LONP1: variants seen among roughly 807,000 people sequenced by gnomAD.
LONP1 encodes the protein lon peptidase 1, mitochondrial, also known as lon protease homolog, mitochondrial.
A neutral mutation model predicts 98.5 loss-of-function variants in LONP1; 31 were observed. The observed-to-expected ratio is 0.31, with a 90% CI of 0.24 to 0.42. The LOEUF (loss-of-function observed/expected upper bound fraction) is 0.42. Among genes scored for constraint, LONP1 ranks in the 20% least tolerant of loss-of-function variants. The probability of loss-of-function intolerance (pLI) is 1.00; values close to 1 mark genes in which losing one functional copy is unlikely to be tolerated. For missense variants in LONP1, 1,336 were observed against 1,350.6 expected, an observed-to-expected ratio of 0.99 and a Z score of 0.17; for synonymous variants, 781 against 594.7, an observed-to-expected ratio of 1.31 and a Z score of -4.56.
At chr19:5,693,837 C>T (rs1056776870) in intron 15 of LONP1, 68 bp from the exon 16 acceptor site, 40 of 1,346,366 alleles carry the variant, frequency 3.0e-5, no homozygotes, top group South Asian at 3.7e-5. Context: ...CTCCACCCCT[C>T]GGGGCCACTC....
At chr19:5,710,263 A>G (rs1285212926) in intron 4 of LONP1, among the ~76,000 whole-genome samples, 1 of 151,206 alleles carries the variant, frequency 6.6e-6, no homozygotes, top group East Asian at 2.0e-4. Context: ...TTTTTTTTGT[A>G]TTTTTAGTAG....
At chr19:5,707,438 A>G (rs1337260368) in intron 6 of LONP1, among the ~76,000 whole-genome samples, 1 of 152,154 alleles carries the variant, frequency 6.6e-6, no homozygotes, top group Non-Finnish European at 1.5e-5. Context: ...ATCCCACTGA[A>G]CCCGCAACGG....
intron 10 of LONP1, among the ~76,000 whole-genome samples, 172 bp from the exon 11 acceptor site, chr19:5,696,929 C>T (rs576439412): frequency 1.4e-4 from 21 of 152,312 alleles, no homozygotes; most frequent in Admixed American, 5.2e-4. Context: ...CCTGCAGGCA[C>T]GCTGGTCACT....
chr19:5,712,302 C>G (rs1160699468), intron 3 of LONP1, among the ~76,000 whole-genome samples: 1 of 152,222 alleles, frequency 6.6e-6, no homozygotes, highest in Non-Finnish European at 1.5e-5. Context: ...AGCCCCAGGG[C>G]CTCCTGTCGA....
In LONP1 at chr19:5,720,012, G is replaced by C; in HGVS notation, c.121C>G (p.Arg41Gly). ...GAGGCGTCGCAGGTCCGCTGGCCTC[G>C]GAGCAACCACGCTCCTGCTGCAGTG... is the stretch of plus-strand genomic sequence containing the variant. Reference protein sequence around the residue: ...VPTAAGAWLLRGQRTCDASPP... With the variant: ...VPTAAGAWLLGGQRTCDASPP... Residue 41 changes from arginine (R) to glycine (G), a missense_variant, in exon 1 of 18, where the codon CGA (arginine) becomes GGA (glycine). Physicochemically the swap from Arg to Gly is moderately radical, Grantham distance 125 (BLOSUM62 -2). This residue lies in a region of LONP1 where 457 missense variants were observed against 403.1 expected (regional missense o/e 1.13). Coordinates refer to ENST00000360614, the MANE Select transcript of LONP1 (RefSeq NM_004793.4). 4.5e-6 allele frequency: 7 copies of C among 1,572,222 alleles called. No individual in the cohort carries two copies. Among genetic ancestry groups the C allele is most frequent in the Non-Finnish European group, 6.0e-6 (7 of 1,161,840 alleles).
intron 14 of LONP1, 51 bp downstream of exon 14, chr19:5,694,710 T>G: frequency 6.4e-7 from 1 of 1,572,078 alleles, no homozygotes; most frequent in Non-Finnish European, 8.7e-7. Context: ...GTGATCAGCG[T>G]GGGATGGTGA....
rs1460525476 is a variant in LONP1 at position 5,693,894 on chromosome 19, G to A, written c.2321-125C>T. On this transcript the variant is annotated intron_variant, in intron 15 of 17. Coordinates refer to ENST00000360614, the MANE Select transcript of LONP1 (RefSeq NM_004793.4). ...AGCATCTTGGTGCCCCTGGGCAGGG[G>A]TTGGTGTCCCATCGTGAGCCAACGC... The A allele has an allele frequency of 1.0e-5, 8 of 796,682 alleles. No individual in the cohort carries two copies. The Admixed American group carries it at 1.4e-4, about 13-fold the overall frequency. 49.4% of individuals were successfully genotyped at this position (796,682 alleles called of 1,614,324 possible). A position where few individuals can be genotyped will look rare whatever the true frequency, so the allele number is the denominator to read the frequency against.
At chr19:5,707,623 C>G (rs1439162120) in intron 6 of LONP1, 74 bp downstream of exon 6, 1 of 1,536,530 alleles carries the variant, frequency 6.5e-7, no homozygotes, top group African/African-American at 1.4e-5. Context: ...ACGGGGGCAG[C>G]CGGGCGTGGG....
chr19:5,716,295 T>TATATATATATATAC lies in LONP1; in HGVS notation c.430-2025_430-2024insGTATATATATATAT. Among the ~76,000 whole-genome samples, 3 of 118,016 alleles carry TATATATATATATAC rather than the reference T, an allele frequency of 2.5e-5. No homozygotes were observed. In the South Asian group the frequency reaches 8.5e-4, roughly 33 times the overall value. 77.4% of individuals were successfully genotyped at this position (118,016 alleles called of 152,430 possible). A position where few individuals can be genotyped will look rare whatever the true frequency, so the allele number is the denominator to read the frequency against. On this transcript the variant is annotated intron_variant, in intron 1 of 17. Transcript: ENST00000360614. ...ATATATATATATATATATATATATATATATAGTAATGGCCCTCAAACTTTT... is the reference window on the plus strand; with the variant it reads ...ATATATATATATATATATATATATATATATATATATATACATATAGTAATGGCCCTCAAACTTTT...
intron 1 of LONP1, among the ~76,000 whole-genome samples, chr19:5,716,627 A>G (rs928027536): frequency 1.5e-4 from 23 of 151,568 alleles, no homozygotes; most frequent in African/African-American, 5.6e-4. Context: ...ACCCACTGTT[A>G]TAAGTAAAAT....
At chr19:5,718,781 A>C (rs1216878863) in intron 1 of LONP1, among the ~76,000 whole-genome samples, 1 of 151,540 alleles carries the variant, frequency 6.6e-6, no homozygotes, top group Non-Finnish European at 1.5e-5. Flanking sequence ...CCTTACACTC[A>C]CTGCTTTCTC....
At position 5,697,143 on chromosome 19, in the gene LONP1, G is replaced by C. The variant is rs145206506; in HGVS notation, c.1686-386C>G. ...CCATGGCCAGCACTGGCTCTCAGGA[G>C]GGCTTCCTGCAAGCTCTGTGCTCTG... On this transcript the variant is annotated intron_variant, in intron 10 of 17. Transcript: ENST00000360614. Among the ~76,000 whole-genome samples the C allele has an allele frequency of 3.2e-3, 485 of 152,242 alleles. 1 individual carries two copies. The highest frequency in any genetic ancestry group is 0.011 in the African/African-American group (459 of 41,550).
At chr19:5,692,520 T>A (rs1361653227) in intron 17 of LONP1, among the ~76,000 whole-genome samples, 2 of 152,026 alleles carry the variant, frequency 1.3e-5, no homozygotes, top group Admixed American at 6.6e-5. Flanking sequence ...CGGCCTCACA[T>A]CCAGAGGTCA....
chr19:5,700,939 C>A lies in LONP1; in HGVS notation c.1368-12G>T, dbSNP rs201035172. ...AGTTGCGGGTGACACTGCCAGGGGACAGATGGAGAGATGCTGAGTGGAGCT... is the reference window on the plus strand; with the variant it reads ...AGTTGCGGGTGACACTGCCAGGGGAAAGATGGAGAGATGCTGAGTGGAGCT... On this transcript the variant is annotated splice_polypyrimidine_tract_variant and intron_variant, in intron 8 of 17. Coordinates refer to ENST00000360614, the MANE Select transcript of LONP1 (RefSeq NM_004793.4). 1.9e-6 allele frequency: 3 copies of A among 1,614,028 alleles called. No homozygotes were observed. Among genetic ancestry groups the A allele is most frequent in the Non-Finnish European group, 2.5e-6 (3 of 1,179,946 alleles).
At chr19:5,706,929 A>G in intron 7 of LONP1, 131 bp downstream of exon 7, 1 of 710,942 alleles carries the variant, frequency 1.4e-6, no homozygotes, top group Non-Finnish European at 2.4e-6. Flanking sequence ...AGCCCTCAAA[A>G]CCCAGACAGG....
Position 5,719,881 on chromosome 19 carries a change from G to T in LONP1, c.252C>A (p.Asp84Glu), listed in dbSNP as rs761943496. 6.4e-7 allele frequency: 1 copy of T among 1,574,198 alleles called. No homozygotes were observed. The highest frequency in any genetic ancestry group is 8.6e-7 in the Non-Finnish European group (1 of 1,160,820). Residue 84 changes from aspartate (D) to glutamate (E), a missense_variant, in exon 1 of 18, where the codon GAC becomes GAA. Transcript: ENST00000360614. ...RGGGAFSGGE[D>E]ASEGGAEEGA... ...CTTCCTCCGCGCCGCCCTCGGAGGC[G>T]TCCTCGCCCCCCGAGAATGCGCCTC...
At chr19:5,692,783 G>A (rs986007092) in intron 17 of LONP1, among the ~76,000 whole-genome samples, 3 of 152,158 alleles carry the variant, frequency 2.0e-5, no homozygotes, top group African/African-American at 7.2e-5. Context: ...ATTCAAGGTG[G>A]TCACAGCCAC....
intron 5 of LONP1, 175 bp from the exon 6 acceptor site, chr19:5,708,001 C>CTG: frequency 1.3e-6 from 1 of 741,258 alleles, no homozygotes; most frequent in Non-Finnish European, 2.1e-6. Context: ...AGGGCCCACC[C>CTG]GTCCTGGGCT....
In LONP1 at chr19:5,713,263, A is replaced by G. The variant is rs766968709; in HGVS notation, c.519-10T>C. ...CACATCCGACTCATTGCTGTGGGAG[A>G]AGAGCACAGAGGAATGTTGGAACAT... On this transcript the variant is annotated splice_polypyrimidine_tract_variant and intron_variant, in intron 2 of 17. Transcript: ENST00000360614. The G allele has an allele frequency of 3.7e-6, 6 of 1,613,960 alleles. No homozygotes were observed. In the African/African-American group the frequency reaches 8.0e-5, roughly 22 times the overall value.
Sources: gnomAD v4.1 joint callset for allele counts (sites outside exome capture counted in the v4.1 genomes callset) on GRCh38, gnomAD v4.1.1 for gene constraint, gnomAD v4.1.1 regional missense constraint, MANE v1.5 for transcripts, NCBI Gene and HGNC (gene_info 2026-07-23, HGNC 2026-07-21) for gene names.